Variants in ZRANB3 observed in about 807,000 individuals in gnomAD.
ZRANB3 encodes the protein DNA annealing helicase and endonuclease ZRANB3.
In ZRANB3, 125 loss-of-function variants were observed where a neutral mutation model predicts 133.8. The ratio of observed to expected loss-of-function variants is 0.93; its 90% CI spans 0.81 to 1.08. The LOEUF (loss-of-function observed/expected upper bound fraction) is 1.08, where lower values mean the gene tolerates loss of function less well. Among genes scored for constraint, ZRANB3 ranks in the 50% least tolerant of loss-of-function variants. ZRANB3 has a pLI of 0.00. For synonymous variants in ZRANB3, 387 were observed against 432.7 expected (o/e 0.89, Z 1.31); for missense variants, 1,229 against 1,275.5 (o/e 0.96, Z 0.56).
intron 5 of ZRANB3, among the ~76,000 whole-genome samples, chr2:135,345,854 T>G (rs1684896844): frequency 6.6e-6 from 1 of 152,214 alleles, no homozygotes; most frequent in South Asian, 2.1e-4. Context: ...ATGTTTATGC[T>G]TTTATTCACA....
In ZRANB3 at chr2:135,515,013, T is replaced by C. The variant is rs529868810; in HGVS notation, c.-7-10517A>G. On this transcript the variant is annotated intron_variant, in intron 1 of 20. Transcript: ENST00000264159. ...ACTTGATCTTGGTGGATAAGCTTTGTGATGTGCTGCTGGATTCAGTTTGCC... is the reference window on the plus strand; with the variant it reads ...ACTTGATCTTGGTGGATAAGCTTTGCGATGTGCTGCTGGATTCAGTTTGCC... 6.6e-5 allele frequency among the ~76,000 whole-genome samples: 10 copies of C among 152,328 alleles called. No individual in the cohort carries two copies. In the South Asian group the frequency reaches 2.1e-3, roughly 32 times the overall value.
intron 2 of ZRANB3, among the ~76,000 whole-genome samples, chr2:135,468,373 G>A (rs1001687445): frequency 3.3e-5 from 5 of 152,026 alleles, no homozygotes; most frequent in African/African-American, 1.2e-4. Flanking sequence ...TTAAAACCCA[G>A]TTTAGACATT....
chr2:135,512,252 A>G (rs1486880697), intron 1 of ZRANB3, among the ~76,000 whole-genome samples: 2 of 152,226 alleles, frequency 1.3e-5, no homozygotes, highest in Non-Finnish European at 2.9e-5. Flanking sequence ...AGGTCAAGAT[A>G]GTGTTTTTGT....
Position 135,510,876 on chromosome 2 carries a change from A to G in ZRANB3, c.-7-6380T>C. 3 of 1,201,284 alleles carry G rather than the reference A, an allele frequency of 2.5e-6. No homozygotes were observed. The South Asian group carries it at 3.6e-5, about 15-fold the overall frequency. The allele number at this position is 1,201,284 out of a possible 1,614,324, so 74.4% of individuals were successfully genotyped here. ...CCCATAATTTTGAAAGAAATCTTTA[A>G]GCTCTGATTTGTCCACTTCATGAGG... On this transcript the variant is annotated intron_variant, in intron 1 of 20. Coordinates refer to ENST00000264159, the MANE Select transcript of ZRANB3 (RefSeq NM_032143.4).
intron 2 of ZRANB3, among the ~76,000 whole-genome samples, chr2:135,465,156 T>C (rs1294173592): frequency 6.6e-6 from 1 of 152,208 alleles, no homozygotes; most frequent in Non-Finnish European, 1.5e-5. Flanking sequence ...CTTCATTCCA[T>C]CAATGAAGAT....
At chr2:135,408,098 A>C (rs539601813) in intron 2 of ZRANB3, among the ~76,000 whole-genome samples, 1 of 151,904 alleles carries the variant, frequency 6.6e-6, no homozygotes, top group South Asian at 2.1e-4. Context: ...TAATATCCAG[A>C]ATCTACAATG....
At chr2:135,369,611 T>C (rs988319401) in intron 3 of ZRANB3, among the ~76,000 whole-genome samples, 1 of 152,144 alleles carries the variant, frequency 6.6e-6, no homozygotes, top group African/African-American at 2.4e-5. Flanking sequence ...TTTTTACAAA[T>C]AAAATATTAT....
chr2:135,212,546 C>T (rs913592974), intron 17 of ZRANB3, among the ~76,000 whole-genome samples: 3 of 152,090 alleles, frequency 2.0e-5, no homozygotes, highest in East Asian at 1.9e-4. Context: ...TTTTTGGAAA[C>T]CACAAGAAAC....
chr2:135,212,333 A>C (rs1558832476), intron 17 of ZRANB3, among the ~76,000 whole-genome samples: 1 of 152,184 alleles, frequency 6.6e-6, no homozygotes, highest in African/African-American at 2.4e-5. Flanking sequence ...GCACTTTGGG[A>C]AAGTATTTCT....
At chr2:135,484,500 T>C (rs1056627718) in intron 2 of ZRANB3, among the ~76,000 whole-genome samples, 1 of 151,926 alleles carries the variant, frequency 6.6e-6, no homozygotes, top group Non-Finnish European at 1.5e-5. Context: ...AATAAATACA[T>C]GACATAAATA....
chr2:135,490,118 T>C (rs1299060256), intron 2 of ZRANB3, among the ~76,000 whole-genome samples: 1 of 152,210 alleles, frequency 6.6e-6, no homozygotes, highest in African/African-American at 2.4e-5. Context: ...CAGACTAGTC[T>C]GTAGCAAACA....
intron 2 of ZRANB3, among the ~76,000 whole-genome samples, chr2:135,451,931 A>C (rs1189946912): frequency 6.6e-6 from 1 of 152,350 alleles, no homozygotes; most frequent in East Asian, 1.9e-4. Context: ...ATTGTAGAAG[A>C]AAAGATTAGT....
intron 2 of ZRANB3, among the ~76,000 whole-genome samples, chr2:135,411,577 T>C (rs2104954789): frequency 6.6e-6 from 1 of 152,260 alleles, no homozygotes; most frequent in South Asian, 2.1e-4. Flanking sequence ...CATGGAATAT[T>C]ACCACAAAAA....
chr2:135,335,561 C>T (rs1684332284), intron 6 of ZRANB3, among the ~76,000 whole-genome samples: 1 of 151,998 alleles, frequency 6.6e-6, no homozygotes, highest in East Asian at 1.9e-4. Context: ...GGTGTGGTGA[C>T]ACATGCCTGC....
intron 6 of ZRANB3, among the ~76,000 whole-genome samples, chr2:135,316,306 T>C (rs1462868256): frequency 6.6e-6 from 1 of 152,150 alleles, no homozygotes; most frequent in Non-Finnish European, 1.5e-5. Flanking sequence ...TGTGAACAAA[T>C]GTTAACAGAA....
chr2:135,273,059 G>A (rs930214168), intron 9 of ZRANB3, among the ~76,000 whole-genome samples: 4 of 151,612 alleles, frequency 2.6e-5, no homozygotes, highest in Non-Finnish European at 4.4e-5. Context: ...GGTGGCGGGC[G>A]CCTGTAGTCC....
chr2:135,512,081 T>C lies in ZRANB3; in HGVS notation c.-7-7585A>G, dbSNP rs796779355. On this transcript the variant is annotated intron_variant, in intron 1 of 20. Transcript: ENST00000264159. ...CATGCAACTGTGTCCGCACCAGCAA[T>C]ACATAATTTTTAATACCATGTTATT... is the stretch of plus-strand genomic sequence containing the variant. 3.8e-5 allele frequency: 16 copies of C among 423,606 alleles called. 1 individual carries two copies. The highest frequency in any genetic ancestry group is 3.0e-4 in the African/African-American group (15 of 50,274). The allele number at this position is 423,606 out of a possible 1,614,324, so 26.2% of individuals were successfully genotyped here. A position where few individuals can be genotyped will look rare whatever the true frequency, so the allele number is the denominator to read the frequency against.
intron 2 of ZRANB3, among the ~76,000 whole-genome samples, chr2:135,394,312 C>T (rs1297223581): frequency 6.6e-6 from 1 of 152,044 alleles, no homozygotes; most frequent in African/African-American, 2.4e-5. Context: ...AATAAAAACA[C>T]CTTAACATAG....
At chr2:135,522,812 C>G (rs1395993401) in intron 1 of ZRANB3, among the ~76,000 whole-genome samples, 1 of 152,054 alleles carries the variant, frequency 6.6e-6, no homozygotes, top group Admixed American at 6.6e-5. Flanking sequence ...AAAAACAGGC[C>G]AAGTCAAAGA....
Sources: allele counts gnomAD v4.1 joint callset (sites outside exome capture counted in the v4.1 genomes callset), GRCh38; gene constraint gnomAD v4.1.1; transcripts MANE v1.5; gene names NCBI Gene and HGNC (gene_info 2026-07-23, HGNC 2026-07-21).